Variants in SUPT3H observed in about 807,000 individuals in gnomAD.
SUPT3H encodes transcription initiation protein SPT3 homolog.
A neutral mutation model predicts 44.3 loss-of-function variants in SUPT3H; 44 were observed. The ratio of observed to expected loss-of-function variants is 0.99; its 90% confidence interval spans 0.78 to 1.28. The LOEUF (loss-of-function observed/expected upper bound fraction) is 1.28. SUPT3H is among the 50% of genes most tolerant of loss of function. The pLI is 0.00. For synonymous variants in SUPT3H, 124 were observed against 125.6 expected, an observed-to-expected ratio of 0.99 and a Z score of 0.09; for missense variants, 380 against 387.1, an observed-to-expected ratio of 0.98 and a Z score of 0.15.
rs1280652144 is a variant in SUPT3H at position 44,827,190 on chromosome 6, T to TA, written c.*2625dup. Among the ~76,000 whole-genome samples the TA allele has an allele frequency of 5.9e-5, 9 of 152,298 alleles. No individual in the cohort carries two copies. The highest frequency in any genetic ancestry group is 2.2e-4 in the African/African-American group (9 of 41,576). ...TAGCTTTGTATATTTCCATTTGACTTAGAGTTAAGCCTGATGTGTAAGATA... is the reference window on the plus strand; with the variant it reads ...TAGCTTTGTATATTTCCATTTGACTTAAGAGTTAAGCCTGATGTGTAAGATA... On this transcript the variant is annotated 3_prime_UTR_variant, in exon 11 of 11. Transcript: ENST00000371459.
intron 3 of SUPT3H, among the ~76,000 whole-genome samples, chr6:45,028,003 T>C (rs921460825): frequency 6.6e-6 from 1 of 152,230 alleles, no homozygotes; most frequent in African/African-American, 2.4e-5. Context: ...GTGATGCTTC[T>C]TTGAAGGTCT....
intron 2 of SUPT3H, among the ~76,000 whole-genome samples, chr6:45,162,535 C>A (rs1465899493): frequency 6.6e-6 from 1 of 151,962 alleles, no homozygotes; most frequent in Non-Finnish European, 1.5e-5. Flanking sequence ...AAAACAAAAA[C>A]CAAAACATTA....
chr6:44,934,116 ATAAT>A (rs1414303939), intron 9 of SUPT3H, among the ~76,000 whole-genome samples: 3 of 152,072 alleles, frequency 2.0e-5, no homozygotes, highest in African/African-American at 7.3e-5. Context: ...TGTTTTTCTG[ATAAT>A]TACTGTATTT....
intron 3 of SUPT3H, among the ~76,000 whole-genome samples, chr6:45,039,037 T>C (rs759772215): frequency 6.6e-6 from 1 of 152,218 alleles, no homozygotes; most frequent in Non-Finnish European, 1.5e-5. Context: ...TCAAGGACAT[T>C]GATTTGAAAG....
intron 2 of SUPT3H, among the ~76,000 whole-genome samples, chr6:45,290,978 GA>G (rs1475263408): frequency 6.6e-6 from 1 of 152,134 alleles, no homozygotes; most frequent in African/African-American, 2.4e-5. Flanking sequence ...TTTTGCTCCA[GA>G]ACGACTGCAG....
chr6:45,001,606 C>CTTTTTTTTTAT (rs200568535), intron 6 of SUPT3H, among the ~76,000 whole-genome samples: 2,667 of 152,040 alleles, frequency 0.018, 53 homozygotes, highest in South Asian at 0.086. Context: ...AGCTAGAATA[C>CTTTTTTTTTAT]CAAGTGAGTT....
chr6:45,017,189 GTTGT>G (rs1449958401), intron 4 of SUPT3H, among the ~76,000 whole-genome samples: 18 of 150,752 alleles, frequency 1.2e-4, no homozygotes, highest in African/African-American at 2.9e-4. Context: ...TTTTGATGGG[GTTGT>G]TTGTTTTTTT....
intron 2 of SUPT3H, among the ~76,000 whole-genome samples, chr6:45,130,682 G>C (rs549789837): frequency 8.3e-6 from 1 of 120,524 alleles, no homozygotes; most frequent in African/African-American, 3.1e-5. Context: ...AAAAGACAAA[G>C]GTAAAAAAAA....
At chr6:45,334,303 A>G (rs1788103021) in intron 2 of SUPT3H, among the ~76,000 whole-genome samples, 1 of 151,186 alleles carries the variant, frequency 6.6e-6, no homozygotes, top group African/African-American at 2.4e-5. Flanking sequence ...CTATAAACAT[A>G]TATTTACATA....
chr6:45,248,114 C>A (rs1771694100), intron 2 of SUPT3H, among the ~76,000 whole-genome samples: 1 of 151,592 alleles, frequency 6.6e-6, no homozygotes, highest in Non-Finnish European at 1.5e-5. Context: ...CAGAAAAAAA[C>A]CTATACAAAA....
At chr6:45,205,069 T>C (rs1763020977) in intron 2 of SUPT3H, among the ~76,000 whole-genome samples, 1 of 151,442 alleles carries the variant, frequency 6.6e-6, no homozygotes, top group African/African-American at 2.5e-5. Context: ...ATTCCAGTTT[T>C]ATACTGTACT....
At chr6:44,911,206 G>A (rs72865924) in intron 10 of SUPT3H, among the ~76,000 whole-genome samples, 32,367 of 151,176 alleles carry the variant, frequency 0.21, 3,988 homozygotes, top group Non-Finnish European at 0.29. Context: ...AGAATCTTCT[G>A]TTGTTCTCTT....
chr6:45,004,634 A>G (rs1782457744), intron 5 of SUPT3H, among the ~76,000 whole-genome samples: 1 of 152,092 alleles, frequency 6.6e-6, no homozygotes, highest in African/African-American at 2.4e-5. Flanking sequence ...TCCCTTTTAC[A>G]TGATCAGCCA....
At chr6:45,031,318 T>C (rs1240042764) in intron 3 of SUPT3H, among the ~76,000 whole-genome samples, 1 of 152,186 alleles carries the variant, frequency 6.6e-6, no homozygotes, top group African/African-American at 2.4e-5. Context: ...TGTATTTGTA[T>C]ATATGTGTGA....
intron 10 of SUPT3H, among the ~76,000 whole-genome samples, chr6:44,848,873 T>A (rs1405215507): frequency 5.9e-5 from 9 of 152,246 alleles, no homozygotes; most frequent in Non-Finnish European, 7.3e-5. Context: ...TTTAACCTAC[T>A]ACACTTCCTA....
chr6:44,948,561 CA>C (rs1454064205), intron 9 of SUPT3H, among the ~76,000 whole-genome samples: 1 of 152,210 alleles, frequency 6.6e-6, no homozygotes, highest in Admixed American at 6.5e-5. Flanking sequence ...TCAAACAACC[CA>C]ATCAAAAAGT....
At chr6:45,128,533 A>AAAAATACATAT (rs1554257896) in intron 2 of SUPT3H, among the ~76,000 whole-genome samples, 1 of 52,252 alleles carries the variant, frequency 1.9e-5, no homozygotes, top group Non-Finnish European at 3.4e-5. Context: ...AAAAAAAAAA[A>AAAAATACATAT]ATATATATAT....
intron 2 of SUPT3H, among the ~76,000 whole-genome samples, chr6:45,351,868 T>TA (rs1322012217): frequency 6.6e-6 from 1 of 152,116 alleles, no homozygotes; most frequent in Non-Finnish European, 1.5e-5. Flanking sequence ...AAAAGAGTAA[T>TA]ACAGCCTGTT....
At chr6:45,050,902 T>TTTTTA (rs1491211075) in intron 3 of SUPT3H, among the ~76,000 whole-genome samples, 1 of 125,996 alleles carries the variant, frequency 7.9e-6, no homozygotes, top group African/African-American at 2.9e-5. Context: ...TTTTTTTTTT[T>TTTTTA]GAGATGGAGT....
Sources: gnomAD v4.1 joint callset for allele counts (sites outside exome capture counted in the v4.1 genomes callset) on GRCh38, gnomAD v4.1.1 for gene constraint, MANE v1.5 for transcripts, NCBI Gene and HGNC (gene_info 2026-07-23, HGNC 2026-07-21) for gene names.